Variants in RIMS2 observed in about 807,000 individuals in gnomAD.
The protein encoded by RIMS2 is regulating synaptic membrane exocytosis 2.
In RIMS2, 59 loss-of-function variants were observed where a neutral mutation model predicts 174.4. That is an observed-to-expected ratio of 0.34 (90% CI 0.27 to 0.42). The LOEUF (loss-of-function observed/expected upper bound fraction) is 0.42. RIMS2 is among the 10% of genes least tolerant of loss of function. RIMS2 has a pLI of 1.00. For missense variants in RIMS2, 1,620 were observed against 1,666.3 expected (o/e 0.97, Z 0.48); for synonymous variants, 606 against 572.5 (o/e 1.06, Z -0.84).
chr8:104,251,753 C>G, exon 24 of RIMS2: 1 of 1,612,528 alleles, frequency 6.2e-7, no homozygotes, highest in Non-Finnish European at 8.5e-7. Flanking sequence ...ACCTTGGCCC[C>G]TCTGACAAGA....
At chr8:103,755,522 GT>G (rs1283424259) in intron 2 of RIMS2, among the ~76,000 whole-genome samples, 1 of 152,172 alleles carries the variant, frequency 6.6e-6, no homozygotes, top group Non-Finnish European at 1.5e-5. Flanking sequence ...CCTGAAGAGT[GT>G]TTTCCAGCTT....
chr8:103,531,745 T>TTTACTAAACATTTTATTAAATAAACA (rs1837270973), intron 1 of RIMS2, among the ~76,000 whole-genome samples: 1 of 152,236 alleles, frequency 6.6e-6, no homozygotes, highest in Non-Finnish European at 1.5e-5. Flanking sequence ...TTAATAAACA[T>TTTACTAAACATTTTATTAAATAAACA]TTTAATAAAC....
chr8:104,146,734 T>C (rs1480772941), intron 19 of RIMS2, among the ~76,000 whole-genome samples: 12 of 152,176 alleles, frequency 7.9e-5, no homozygotes, highest in Non-Finnish European at 1.8e-4. Context: ...GGGATCTAAC[T>C]CTGTCATCAA....
At chr8:103,668,741 C>T (rs768156314) in intron 1 of RIMS2, among the ~76,000 whole-genome samples, 5 of 151,638 alleles carry the variant, frequency 3.3e-5, no homozygotes, top group Non-Finnish European at 5.9e-5. Flanking sequence ...AGTGTGGTGG[C>T]ACAGTTGTAG....
intron 1 of RIMS2, among the ~76,000 whole-genome samples, chr8:103,587,199 C>G (rs1252817758): frequency 6.6e-6 from 1 of 151,788 alleles, no homozygotes; most frequent in Non-Finnish European, 1.5e-5. Context: ...AGTATGAGAT[C>G]AAAGACATAA....
At chr8:103,811,045 C>G (rs892119576) in intron 3 of RIMS2, among the ~76,000 whole-genome samples, 1 of 152,062 alleles carries the variant, frequency 6.6e-6, no homozygotes, top group African/African-American at 2.4e-5. Flanking sequence ...AGGTGACTTG[C>G]AGAGGCAGTT....
At chr8:103,797,308 G>T (rs1308596233) in intron 3 of RIMS2, among the ~76,000 whole-genome samples, 1 of 152,102 alleles carries the variant, frequency 6.6e-6, no homozygotes, top group African/African-American at 2.4e-5. Flanking sequence ...CTGATCTTCA[G>T]TATACTTGTC....
intron 4 of RIMS2, among the ~76,000 whole-genome samples, chr8:103,893,744 C>T (rs1038999674): frequency 2.6e-5 from 4 of 151,968 alleles, no homozygotes; most frequent in Non-Finnish European, 5.9e-5. Flanking sequence ...TATTGCCTAT[C>T]GGTTCTTTCA....
intron 3 of RIMS2, among the ~76,000 whole-genome samples, chr8:103,833,074 T>C (rs2098835913): frequency 6.6e-6 from 1 of 152,188 alleles, no homozygotes; most frequent in Non-Finnish European, 1.5e-5. Flanking sequence ...CCTGAAAAAA[T>C]CTTTTCTTAG....
intron 19 of RIMS2, among the ~76,000 whole-genome samples, chr8:104,056,121 C>T (rs2096864084): frequency 6.6e-6 from 1 of 152,092 alleles, no homozygotes; most frequent in Non-Finnish European, 1.5e-5. Context: ...AGTCAACTAA[C>T]CGGCCAGGCG....
intron 1 of RIMS2, among the ~76,000 whole-genome samples, chr8:103,581,280 C>T (rs2093605893): frequency 6.6e-6 from 1 of 152,170 alleles, no homozygotes; most frequent in Admixed American, 6.5e-5. Context: ...AGATCATTCA[C>T]CATGATCAAG....
intron 3 of RIMS2, among the ~76,000 whole-genome samples, chr8:103,782,209 A>G (rs181255033): frequency 5.3e-5 from 8 of 151,350 alleles, no homozygotes; most frequent in Admixed American, 4.0e-4. Context: ...CGTACACTAT[A>G]TATATATTTC....
At chr8:103,867,636 T>C (rs887029080) in intron 3 of RIMS2, among the ~76,000 whole-genome samples, 2 of 151,966 alleles carry the variant, frequency 1.3e-5, no homozygotes, top group Non-Finnish European at 1.5e-5. Context: ...AATTAGTTGT[T>C]CTACTTATGC....
chr8:104,116,382 G>A (rs567763258), intron 19 of RIMS2, among the ~76,000 whole-genome samples: 59 of 152,176 alleles, frequency 3.9e-4, no homozygotes, highest in African/African-American at 1.3e-3. Context: ...TTATAGAAAT[G>A]TTAAATATGT....
chr8:104,000,646 A>G lies in RIMS2; in HGVS notation c.3044+11225A>G, dbSNP rs191293168. 2.2e-4 allele frequency among the ~76,000 whole-genome samples: 34 copies of G among 151,902 alleles called. 1 individual carries two copies. The highest frequency in any genetic ancestry group is 2.2e-3 in the Admixed American group (34 of 15,202). ...TAGGAACCTCCATACTGTTTTCTAT[A>G]CTGGTTGTATTAATTTATATTTCCA... On this transcript the variant is annotated intron_variant, in intron 17 of 23. Transcript: ENST00000504942.
At chr8:103,509,041 A>C (rs950557363) in intron 1 of RIMS2, among the ~76,000 whole-genome samples, 1 of 152,030 alleles carries the variant, frequency 6.6e-6, no homozygotes, top group Non-Finnish European at 1.5e-5. Flanking sequence ...GAAGTGGCTT[A>C]TTTTATTGTT....
chr8:103,849,604 A>C (rs1246339064), intron 3 of RIMS2, among the ~76,000 whole-genome samples: 1 of 151,956 alleles, frequency 6.6e-6, no homozygotes. Flanking sequence ...GTAGGTCATT[A>C]GCTCTGAACC....
chr8:103,522,189 A>G (rs1237286725), intron 1 of RIMS2, among the ~76,000 whole-genome samples: 2 of 152,082 alleles, frequency 1.3e-5, no homozygotes, highest in Admixed American at 1.3e-4. Flanking sequence ...TCTTTAGGGG[A>G]TTCCTTCAGA....
At chr8:103,820,537 A>G (rs2098745628) in intron 3 of RIMS2, among the ~76,000 whole-genome samples, 2 of 151,904 alleles carry the variant, frequency 1.3e-5, no homozygotes, top group African/African-American at 4.8e-5. Flanking sequence ...GAACAATGTG[A>G]GGCATCCTAT....
Sources: gnomAD v4.1 joint callset for allele counts (sites outside exome capture counted in the v4.1 genomes callset) on GRCh38, gnomAD v4.1.1 for gene constraint, MANE v1.5 for transcripts, NCBI Gene and HGNC (gene_info 2026-07-23, HGNC 2026-07-21) for gene names.